Variants in PCDH15 observed in about 807,000 individuals in gnomAD.
The protein encoded by PCDH15 is protocadherin-15.
PCDH15 carries 129 observed loss-of-function variants against 178.5 expected under a neutral mutation model. The observed-to-expected ratio is 0.72, with a 90% CI of 0.63 to 0.84. The LOEUF (loss-of-function observed/expected upper bound fraction) is 0.84. PCDH15 is among the 40% of genes least tolerant of loss of function. PCDH15 has a pLI of 0.00. For missense variants in PCDH15, 2,230 were observed against 2,099.9 expected (o/e 1.06, Z -1.21); for synonymous variants, 800 against 732.0 (o/e 1.09, Z -1.50).
intron 29 of PCDH15, among the ~76,000 whole-genome samples, chr10:53,835,803 A>C (rs966808531): frequency 6.6e-6 from 1 of 152,168 alleles, no homozygotes; most frequent in Non-Finnish European, 1.5e-5. Flanking sequence ...ATAAGGTTAG[A>C]ATTATAGACA....
intron 2 of PCDH15, among the ~76,000 whole-genome samples, chr10:54,573,759 G>C (rs564758607): frequency 2.5e-4 from 38 of 152,038 alleles, no homozygotes; most frequent in Non-Finnish European, 4.6e-4. Context: ...TACCCTCTCT[G>C]TGTTTAAATC....
At chr10:54,789,051 T>G (rs1951150584) in intron 1 of PCDH15, among the ~76,000 whole-genome samples, 1 of 151,858 alleles carries the variant, frequency 6.6e-6, no homozygotes, top group African/African-American at 2.4e-5. Context: ...GTCTCAGGAA[T>G]TGTTGCTGAT....
rs4320869 is a variant in PCDH15 at position 54,155,747 on chromosome 10, A to T, written c.1591-2454T>A. 5.9e-4 allele frequency among the ~76,000 whole-genome samples: 88 copies of T among 149,650 alleles called. No individual in the cohort carries two copies. In the East Asian group the frequency reaches 0.013, roughly 22 times the overall value. The stretch of plus-strand genomic sequence containing the variant: ...GAGAGGCAGAGGTTGCAGTGACCTG[A>T]GATCATGCCACTGCACTCCAGCCTG... On this transcript the variant is annotated intron_variant, in intron 13 of 37. Coordinates refer to ENST00000644397, the MANE Select transcript of PCDH15 (RefSeq NM_001384140.1).
chr10:55,419,987 A>G (rs968325275), intron 2 of PCDH15, among the ~76,000 whole-genome samples: 3 of 151,716 alleles, frequency 2.0e-5, no homozygotes, highest in African/African-American at 4.8e-5. Context: ...TTTGCATTTA[A>G]TAAGTTCAGC....
intron 2 of PCDH15, among the ~76,000 whole-genome samples, chr10:54,643,079 C>A (rs545620282): frequency 3.9e-5 from 6 of 152,160 alleles, no homozygotes; most frequent in African/African-American, 1.4e-4. Flanking sequence ...CCTGCCAGCA[C>A]GCCCAGCTAA....
At chr10:53,833,396 T>C (rs1225084845) in intron 29 of PCDH15, among the ~76,000 whole-genome samples, 1 of 152,132 alleles carries the variant, frequency 6.6e-6, no homozygotes, top group Non-Finnish European at 1.5e-5. Flanking sequence ...GGATCACTTT[T>C]GAACCCACAC....
chr10:53,936,983 T>C (rs1221645505), intron 25 of PCDH15, among the ~76,000 whole-genome samples: 1 of 152,136 alleles, frequency 6.6e-6, no homozygotes, highest in Non-Finnish European at 1.5e-5. Flanking sequence ...ATTTCAAACT[T>C]AGGAGGCAAA....
intron 1 of PCDH15, among the ~76,000 whole-genome samples, chr10:54,693,697 C>T (rs1285384906): frequency 6.6e-6 from 1 of 152,094 alleles, no homozygotes; most frequent in Non-Finnish European, 1.5e-5. Flanking sequence ...TAGGGAAAGA[C>T]TCTCTAAGTA....
chr10:54,030,371 CT>C (rs5785033), intron 18 of PCDH15, among the ~76,000 whole-genome samples: 65,187 of 142,858 alleles, frequency 0.46, 15,108 homozygotes, highest in Middle Eastern at 0.67. Context: ...CAATAGTTGT[CT>C]TTTTTTTTTT....
intron 3 of PCDH15, among the ~76,000 whole-genome samples, chr10:54,400,580 A>T (rs1284335370): frequency 6.6e-6 from 1 of 152,128 alleles, no homozygotes; most frequent in Non-Finnish European, 1.5e-5. Context: ...TGGGCTATGA[A>T]TATGCATAAG....
chr10:54,556,768 A>T (rs2087335793), intron 2 of PCDH15, among the ~76,000 whole-genome samples: 2 of 151,826 alleles, frequency 1.3e-5, no homozygotes, highest in Admixed American at 1.3e-4. Flanking sequence ...AATATTACTG[A>T]AATTACTGTA....
At chr10:54,929,236 G>C (rs948631296) in intron 2 of PCDH15, among the ~76,000 whole-genome samples, 5 of 152,048 alleles carry the variant, frequency 3.3e-5, no homozygotes, top group Non-Finnish European at 7.4e-5. Context: ...TCTAACTCTG[G>C]GGGACTTGTA....
intron 25 of PCDH15, among the ~76,000 whole-genome samples, chr10:53,923,618 T>C (rs555717819): frequency 1.3e-5 from 2 of 152,234 alleles, no homozygotes; most frequent in Non-Finnish European, 2.9e-5. Context: ...TTAATTCCCA[T>C]GTTTTCTTCC....
At chr10:55,521,395 G>A (rs1382551753) in intron 2 of PCDH15, among the ~76,000 whole-genome samples, 2 of 151,790 alleles carry the variant, frequency 1.3e-5, no homozygotes, top group South Asian at 2.1e-4. Flanking sequence ...CACAGCAAAC[G>A]GTCTTCAACT....
intron 10 of PCDH15, among the ~76,000 whole-genome samples, chr10:54,202,823 A>AG (rs1554836665): frequency 4.7e-5 from 7 of 149,920 alleles, no homozygotes; most frequent in African/African-American, 1.5e-4. Context: ...AAAAAAAAAA[A>AG]AAAAAAAAGT....
intron 8 of PCDH15, among the ~76,000 whole-genome samples, chr10:54,268,943 C>T (rs2057874653): frequency 1.3e-5 from 2 of 151,630 alleles, no homozygotes; most frequent in Admixed American, 1.3e-4. Context: ...ACATTTTCAT[C>T]TCCTATCTTC....
In PCDH15 at chr10:53,808,569, C is replaced by T. The variant is rs74615652; in HGVS notation, c.4672-1439G>A. ...TTCACTTTTCTGGCATGCTTCTGATCATAAGTCATATCAAAATCTTGATCA... is the reference window on the plus strand; with the variant it reads ...TTCACTTTTCTGGCATGCTTCTGATTATAAGTCATATCAAAATCTTGATCA... On this transcript the variant is annotated intron_variant, in intron 37 of 37. Transcript: ENST00000644397. 8,895 of 1,455,272 alleles carry T rather than the reference C, an allele frequency of 6.1e-3. 498 individuals are homozygous for T. The African/African-American group carries it at 0.11, about 19-fold the overall frequency. 90.1% of individuals were successfully genotyped at this position (1,455,272 alleles called of 1,614,324 possible).
At chr10:54,831,282 T>G (rs893102500) in intron 3 of PCDH15, among the ~76,000 whole-genome samples, 1 of 152,074 alleles carries the variant, frequency 6.6e-6, no homozygotes, top group Non-Finnish European at 1.5e-5. Context: ...GAACATGAAA[T>G]AAAATAATAA....
At chr10:54,296,140 G>A (rs1454100749) in intron 8 of PCDH15, among the ~76,000 whole-genome samples, 6 of 47,170 alleles carry the variant, frequency 1.3e-4, no homozygotes, top group South Asian at 8.1e-4. Flanking sequence ...GCGAGACTCC[G>A]TCTCAAAAAA....
Sources: gnomAD v4.1 joint callset for allele counts (sites outside exome capture counted in the v4.1 genomes callset) on GRCh38, gnomAD v4.1.1 for gene constraint, MANE v1.5 for transcripts, NCBI Gene and HGNC (gene_info 2026-07-23, HGNC 2026-07-21) for gene names.